NR6A1: variants seen among roughly 807,000 people sequenced by gnomAD.
The protein encoded by NR6A1 is retinoic acid receptor-related testis-associated receptor.
In NR6A1, 7 loss-of-function variants were observed where a neutral mutation model predicts 59.1. That is an observed-to-expected ratio of 0.12 (90% CI 0.07 to 0.22). The LOEUF is 0.22. Ranked by LOEUF, NR6A1 falls within the 10% of genes least tolerant of loss-of-function variation. The pLI, the probability that NR6A1 is intolerant of heterozygous loss-of-function variation, is 1.00. For missense variants in NR6A1, 468 were observed against 611.6 expected (o/e 0.77, Z 2.48); for synonymous variants, 243 against 236.1 (o/e 1.03, Z -0.27).
intron 2 of NR6A1, among the ~76,000 whole-genome samples, chr9:124,718,086 A>T (rs529448677): frequency 6.0e-4 from 91 of 152,250 alleles, no homozygotes; most frequent in Non-Finnish European, 1.3e-4. Context: ...ACTGTTTCAA[A>T]GATGAACAAA....
At position 124,682,714 on chromosome 9, in the gene NR6A1, G is replaced by C. The variant is rs150173374; in HGVS notation, c.142+50594C>G. ...GTAGCTATAGCCCATATAAATAAAA[G>C]CTCTTGGGAATCTCAATGATTTTTA... is the stretch of plus-strand genomic sequence containing the variant. On this transcript the variant is annotated intron_variant, in intron 2 of 9. Coordinates refer to ENST00000487099, the MANE Select transcript of NR6A1 (RefSeq NM_033334.4). 4.2e-3 allele frequency among the ~76,000 whole-genome samples: 636 copies of C among 152,216 alleles called. 3 individuals carry two copies. Among genetic ancestry groups the C allele is most frequent in the African/African-American group, 0.014 (581 of 41,544 alleles).
chr9:124,662,177 A>G (rs886111750), intron 2 of NR6A1, among the ~76,000 whole-genome samples: 6 of 152,186 alleles, frequency 3.9e-5, no homozygotes, highest in African/African-American at 1.4e-4. Context: ...ATAGTACTGG[A>G]AGACAGGTAG....
chr9:124,720,054 T>C (rs1217284086), intron 2 of NR6A1, among the ~76,000 whole-genome samples: 3 of 152,166 alleles, frequency 2.0e-5, no homozygotes, highest in African/African-American at 7.2e-5. Context: ...TGAACGTTTT[T>C]GGGTTTTTTT....
chr9:124,672,221 T>A (rs952190697), intron 2 of NR6A1, among the ~76,000 whole-genome samples: 1 of 152,318 alleles, frequency 6.6e-6, no homozygotes, highest in East Asian at 1.9e-4. Flanking sequence ...GATATTTAGT[T>A]GTTTCTAGTT....
chr9:124,672,002 C>G (rs1362349159), intron 2 of NR6A1, among the ~76,000 whole-genome samples: 1 of 152,196 alleles, frequency 6.6e-6, no homozygotes, highest in Non-Finnish European at 1.5e-5. Context: ...CTATTCTGAT[C>G]TCTATCATCT....
intron 2 of NR6A1, chr9:124,692,648 T>C (rs1838595345): frequency 3.7e-6 from 1 of 272,564 alleles, no homozygotes; most frequent in Non-Finnish European, 8.4e-6. Flanking sequence ...CCAAATGTGG[T>C]CCAGTGAATT....
intron 2 of NR6A1, among the ~76,000 whole-genome samples, chr9:124,570,267 CGTTTCAA>C (rs139163240): frequency 0.018 from 2,753 of 152,298 alleles, 74 homozygotes; most frequent in African/African-American, 0.062. Flanking sequence ...CTGCTTTTCC[CGTTTCAA>C]TTCTAAAACC....
At chr9:124,729,381 T>C (rs1839820395) in intron 2 of NR6A1, among the ~76,000 whole-genome samples, 1 of 152,200 alleles carries the variant, frequency 6.6e-6, no homozygotes, top group Admixed American at 6.5e-5. Flanking sequence ...TGATCACTGT[T>C]CTTTTTTTTA....
At chr9:124,692,400 T>C (rs1363747637) in intron 2 of NR6A1, 1 of 507,366 alleles carries the variant, frequency 2.0e-6, no homozygotes. Flanking sequence ...TCAGCGGTGG[T>C]CTCACTGCTC....
intron 1 of NR6A1, among the ~76,000 whole-genome samples, chr9:124,760,285 C>T (rs1379390975): frequency 6.6e-6 from 1 of 151,562 alleles, no homozygotes; most frequent in East Asian, 1.9e-4. Flanking sequence ...GCACTCCAGC[C>T]TGGGAGACAG....
At chr9:124,759,055 C>T (rs1840715426) in intron 1 of NR6A1, among the ~76,000 whole-genome samples, 1 of 152,176 alleles carries the variant, frequency 6.6e-6, no homozygotes, top group African/African-American at 2.4e-5. Flanking sequence ...AATGTTTGGG[C>T]TCCTCTCTAA....
chr9:124,691,267 T>C (rs994829200), intron 2 of NR6A1, among the ~76,000 whole-genome samples: 7 of 152,208 alleles, frequency 4.6e-5, no homozygotes, highest in South Asian at 2.1e-4. Flanking sequence ...TAAACTGATA[T>C]AGAAGGTAAA....
At chr9:124,523,452 T>C (rs1335995607) in intron 9 of NR6A1, among the ~76,000 whole-genome samples, 1 of 152,126 alleles carries the variant, frequency 6.6e-6, no homozygotes, top group East Asian at 1.9e-4. Flanking sequence ...TCGAAAACAC[T>C]GATTATCTCC....
intron 7 of NR6A1, among the ~76,000 whole-genome samples, chr9:124,535,589 T>C (rs1481174617): frequency 1.3e-5 from 2 of 152,100 alleles, no homozygotes; most frequent in Non-Finnish European, 2.9e-5. Context: ...AAAAATAAAT[T>C]AATTTAAAAA....
chr9:124,758,211 G>T (rs1840690542), intron 1 of NR6A1, among the ~76,000 whole-genome samples: 1 of 152,200 alleles, frequency 6.6e-6, no homozygotes, highest in Non-Finnish European at 1.5e-5. Context: ...CCTGGTGCCA[G>T]TAAAATGATT....
chr9:124,732,697 A>ATT (rs879596333), intron 2 of NR6A1, among the ~76,000 whole-genome samples: 4 of 144,084 alleles, frequency 2.8e-5, no homozygotes, highest in South Asian at 2.2e-4. Context: ...GCAAGTACGA[A>ATT]TTTTTTTTTT....
At chr9:124,669,288 T>C (rs1837717853) in intron 2 of NR6A1, among the ~76,000 whole-genome samples, 1 of 152,272 alleles carries the variant, frequency 6.6e-6, no homozygotes, top group Non-Finnish European at 1.5e-5. Flanking sequence ...GTATTAAATA[T>C]GGATATATAC....
intron 2 of NR6A1, among the ~76,000 whole-genome samples, chr9:124,602,537 T>G (rs1835475210): frequency 6.6e-6 from 1 of 152,232 alleles, no homozygotes; most frequent in South Asian, 2.1e-4. Flanking sequence ...GGCTTTCTCC[T>G]TTGGTGCTCC....
chr9:124,539,474 A>T (rs1188173587), intron 5 of NR6A1, among the ~76,000 whole-genome samples: 3 of 152,228 alleles, frequency 2.0e-5, no homozygotes, highest in South Asian at 4.1e-4. Flanking sequence ...TCCATATCCT[A>T]TAAGAAAGGT....
Sources: gnomAD v4.1 joint callset for allele counts (sites outside exome capture counted in the v4.1 genomes callset) on GRCh38, gnomAD v4.1.1 for gene constraint, MANE v1.5 for transcripts, NCBI Gene and HGNC (gene_info 2026-07-23, HGNC 2026-07-21) for gene names.